WNT2: variants seen among roughly 807,000 people sequenced by gnomAD.
WNT2 encodes the protein Wnt family member 2.
A neutral mutation model predicts 36.9 loss-of-function variants in WNT2; 12 were observed. The ratio of observed to expected loss-of-function variants is 0.33; its 90% CI spans 0.21 to 0.53. The LOEUF (loss-of-function observed/expected upper bound fraction) is 0.53, where lower values mean the gene tolerates loss of function less well. Among genes scored for constraint, WNT2 ranks in the 20% least tolerant of loss-of-function variants. The pLI, the probability that WNT2 is intolerant of heterozygous loss-of-function variation, is 0.95. For synonymous variants in WNT2, 163 were observed against 174.6 expected, an observed-to-expected ratio of 0.93 and a Z score of 0.52; for missense variants, 379 against 473.1, an observed-to-expected ratio of 0.80 and a Z score of 1.84.
At chr7:117,307,314 C>T (rs903461922) in intron 3 of WNT2, among the ~76,000 whole-genome samples, 3 of 152,136 alleles carry the variant, frequency 2.0e-5, no homozygotes, top group South Asian at 2.1e-4. Flanking sequence ...CACACTACCA[C>T]GTAAGGTATA....
intron 4 of WNT2, among the ~76,000 whole-genome samples, chr7:117,278,849 G>A (rs1217811713): frequency 6.6e-6 from 1 of 152,220 alleles, no homozygotes; most frequent in Admixed American, 6.5e-5. Context: ...AGCCCTCAAA[G>A]GGAGGGAATT....
chr7:117,320,696 C>T lies in WNT2; in HGVS notation c.181G>A (p.Val61Met). ...QRQLCHRHPD[V>M]MRAISQGVAE... ...ACGCCCTGGCTAATGGCACGCATCA[C>T]ATCTGGATGTCGGTGACACAGCTGC... is the stretch of plus-strand genomic sequence containing the variant. Residue 61 changes from valine to methionine, a missense_variant, in exon 2 of 5, where the codon GTG becomes ATG. By Grantham distance (21) the Val-to-Met change is conservative. Coordinates refer to ENST00000265441, the MANE Select transcript of WNT2 (RefSeq NM_003391.3). 3 of 1,614,106 alleles carry T rather than the reference C, an allele frequency of 1.9e-6. No homozygotes were observed. Among genetic ancestry groups the T allele is most frequent in the Non-Finnish European group, 1.7e-6 (2 of 1,180,006 alleles).
At chr7:117,321,377 T>G (rs1187272480) in intron 1 of WNT2, among the ~76,000 whole-genome samples, 1 of 152,256 alleles carries the variant, frequency 6.6e-6, no homozygotes, top group Non-Finnish European at 1.5e-5. Flanking sequence ...TTGTAGCTCT[T>G]TTTGGCTTTT....
At chr7:117,305,893 C>T (rs117332565) in intron 3 of WNT2, among the ~76,000 whole-genome samples, 6 of 152,274 alleles carry the variant, frequency 3.9e-5, no homozygotes, top group East Asian at 1.9e-4. Flanking sequence ...GTTAAATGAC[C>T]GACTTCCGCG....
At position 117,278,282 on chromosome 7, in the gene WNT2, G is replaced by C; in HGVS notation, c.956C>G (p.Thr319Ser). 6.2e-7 allele frequency: 1 copy of C among 1,614,226 alleles called. No homozygotes were observed. Among genetic ancestry groups the C allele is most frequent in the Non-Finnish European group, 8.5e-7 (1 of 1,180,034 alleles). The stretch of plus-strand genomic sequence containing the variant: ...CTTACACCCACACTTGGTCATCCGG[G>C]TGACATGGGAGGTGTCGTAGCCTCT... ...CGRGYDTSHV[T>S]RMTKCGCKFH... Residue 319 changes from threonine (T) to serine (S), a missense_variant, in exon 5 of 5, where the codon ACC becomes AGC. By Grantham distance (58) the Thr-to-Ser change is moderately conservative. Transcript: ENST00000265441.
intron 4 of WNT2, among the ~76,000 whole-genome samples, chr7:117,290,328 G>A (rs1241668201): frequency 6.6e-6 from 1 of 152,154 alleles, no homozygotes; most frequent in Non-Finnish European, 1.5e-5. Flanking sequence ...GAAAAGCAGA[G>A]GAGTGTAGTT....
intron 4 of WNT2, among the ~76,000 whole-genome samples, chr7:117,295,288 C>T (rs565216227): frequency 2.0e-5 from 3 of 152,312 alleles, no homozygotes; most frequent in East Asian, 1.9e-4. Flanking sequence ...AACATACTCA[C>T]CTTATAGACT....
intron 3 of WNT2, among the ~76,000 whole-genome samples, chr7:117,306,089 C>G (rs917380918): frequency 3.3e-5 from 5 of 152,246 alleles, no homozygotes; most frequent in Non-Finnish European, 4.4e-5. Context: ...TAGACTGTGG[C>G]TTCTCCATCC....
intron 4 of WNT2, among the ~76,000 whole-genome samples, chr7:117,296,439 C>T (rs1256584898): frequency 2.6e-5 from 4 of 152,156 alleles, no homozygotes; most frequent in Non-Finnish European, 5.9e-5. Context: ...ATCTAACTGA[C>T]AGCTGGCTGC....
intron 3 of WNT2, among the ~76,000 whole-genome samples, chr7:117,313,305 C>A (rs747134744): frequency 6.6e-6 from 1 of 152,166 alleles, no homozygotes. Context: ...AAAAGTCTGC[C>A]CACCCACCAT....
intron 2 of WNT2, 38 bp downstream of exon 2, chr7:117,320,529 T>C (rs2116394930): frequency 6.3e-7 from 1 of 1,577,836 alleles, no homozygotes; most frequent in Non-Finnish European, 8.7e-7. Context: ...TGTGCATGAG[T>C]GGAGAGCCAT....
At chr7:117,317,455 T>G (rs1160882877) in intron 2 of WNT2, among the ~76,000 whole-genome samples, 1 of 152,244 alleles carries the variant, frequency 6.6e-6, no homozygotes. Context: ...ATTAAAAATT[T>G]AGCACATTGA....
chr7:117,280,517 G>T (rs1794461999), intron 4 of WNT2, among the ~76,000 whole-genome samples: 1 of 152,118 alleles, frequency 6.6e-6, no homozygotes, highest in African/African-American at 2.4e-5. Context: ...ACTACTTTGG[G>T]TTGTTTGATT....
At chr7:117,295,389 A>G (rs1306975779) in intron 4 of WNT2, among the ~76,000 whole-genome samples, 1 of 152,224 alleles carries the variant, frequency 6.6e-6, no homozygotes, top group Non-Finnish European at 1.5e-5. Context: ...TAAGAAAGAG[A>G]ATTTCTTTCT....
intron 4 of WNT2, among the ~76,000 whole-genome samples, chr7:117,296,207 T>C (rs1283584627): frequency 6.6e-6 from 1 of 152,094 alleles, no homozygotes; most frequent in African/African-American, 2.4e-5. Context: ...GCCTGACAGG[T>C]AGGATGACTT....
At chr7:117,299,789 C>A (rs1379173832) in intron 3 of WNT2, among the ~76,000 whole-genome samples, 2 of 152,186 alleles carry the variant, frequency 1.3e-5, no homozygotes, top group African/African-American at 4.8e-5. Context: ...TGAGCCAATG[C>A]ATCTGGTCTG....
Position 117,294,015 on chromosome 7 carries a change from C to T in WNT2, c.853+3597G>A, listed in dbSNP as rs1374359414. Among the ~76,000 whole-genome samples, 9 of 152,272 alleles carry T rather than the reference C, an allele frequency of 5.9e-5. No individual in the cohort carries two copies. The South Asian group carries it at 1.7e-3, about 28-fold the overall frequency. The stretch of plus-strand genomic sequence containing the variant: ...GATGACTGACTTGCTAGAGCACATG[C>T]TACAGAAATTTCTAGTAGAAAGTGG... On this transcript the variant is annotated intron_variant, in intron 4 of 4. Transcript: ENST00000265441.
rs1481707371 is a variant in WNT2 at position 117,323,027 on chromosome 7, GT to G, written c.-39del. On this transcript the variant is annotated 5_prime_UTR_variant, in exon 1 of 5. An upstream open reading frame in the 5' UTR loses its in-frame stop. Transcript: ENST00000265441. ...GCGTCTGCATCAGGTCAGACTCCGT[GT>G]GCGGGCGCCATGCGTGCCCAGAGCA... The G allele has an allele frequency of 6.4e-7, 1 of 1,567,920 alleles. No homozygotes were observed. The highest frequency in any genetic ancestry group is 1.2e-5 in the South Asian group (1 of 86,702).
Position 117,276,181 on chromosome 7 carries a change from G to A in WNT2, c.*1974C>T, listed in dbSNP as rs1004847473. On this transcript the variant is annotated 3_prime_UTR_variant, in exon 5 of 5. Coordinates refer to ENST00000265441, the MANE Select transcript of WNT2 (RefSeq NM_003391.3). The stretch of plus-strand genomic sequence containing the variant: ...TCTCAATTTCCCCAAACTAAAGGAA[G>A]CTGAGATGTCTCCTAAGATCCTTTC... Among the ~76,000 whole-genome samples, 3 of 152,192 alleles carry A rather than the reference G, an allele frequency of 2.0e-5. No homozygotes were observed. The highest frequency in any genetic ancestry group is 4.4e-5 in the Non-Finnish European group (3 of 68,042).
Sources: gnomAD v4.1 joint callset for allele counts (sites outside exome capture counted in the v4.1 genomes callset) on GRCh38, gnomAD v4.1.1 for gene constraint, MANE v1.5 for transcripts, NCBI Gene and HGNC (gene_info 2026-07-23, HGNC 2026-07-21) for gene names.